CCDC3: variants seen among roughly 807,000 people sequenced by gnomAD.
The protein encoded by CCDC3 is coiled-coil domain-containing protein 3.
CCDC3 carries 24 observed loss-of-function variants against 21.4 expected under a neutral mutation model. That is an observed-to-expected ratio of 1.12 (90% CI 0.81 to 1.58). The LOEUF (loss-of-function observed/expected upper bound fraction) is 1.58. Among genes scored for constraint, CCDC3 ranks in the 40% most tolerant of loss-of-function variants. CCDC3 has a pLI of 0.00. For synonymous variants in CCDC3, 186 were observed against 166.0 expected (o/e 1.12, Z -0.93); for missense variants, 425 against 360.9 (o/e 1.18, Z -1.44).
At chr10:13,031,706 T>C (rs1163543252) in intron 5 of CCDC3, among the ~76,000 whole-genome samples, 5 of 152,104 alleles carry the variant, frequency 3.3e-5, no homozygotes, top group Non-Finnish European at 5.9e-5. Context: ...GAGAATACTA[T>C]AAACACCTCT....
chr10:12,907,872 C>A (rs148206927), intron 2 of CCDC3, among the ~76,000 whole-genome samples: 1 of 152,070 alleles, frequency 6.6e-6, no homozygotes, highest in Non-Finnish European at 1.5e-5. Context: ...AGGGGAGATG[C>A]TAGATGATGG....
intron 2 of CCDC3, among the ~76,000 whole-genome samples, chr10:12,981,440 C>A (rs1024710326): frequency 1.3e-5 from 2 of 152,102 alleles, no homozygotes; most frequent in African/African-American, 4.8e-5. Context: ...CCTGCCTCGG[C>A]CTCCCAAAGT....
chr10:12,961,191 G>A (rs957309598), intron 2 of CCDC3, among the ~76,000 whole-genome samples: 2 of 152,200 alleles, frequency 1.3e-5, no homozygotes, highest in African/African-American at 4.8e-5. Flanking sequence ...TCAGTGGCTT[G>A]AGCAAATGGC....
chr10:13,074,078 C>G (rs1013484085), exon 4 of CCDC3: 1 of 149,710 alleles, frequency 6.7e-6, no homozygotes, highest in East Asian at 2.0e-4. Flanking sequence ...ATGATAATCA[C>G]TTGAAATTCA....
intron 2 of CCDC3, among the ~76,000 whole-genome samples, chr10:12,918,592 C>T (rs559150607): frequency 2.6e-5 from 4 of 152,164 alleles, no homozygotes; most frequent in Non-Finnish European, 2.9e-5. Flanking sequence ...AAAATATGCA[C>T]AGATGTTGAT....
At chr10:13,098,607 A>G (rs569905946) in intron 2 of CCDC3, 1 of 151,592 alleles carries the variant, frequency 6.6e-6, no homozygotes, top group Admixed American at 6.6e-5. Context: ...TTCTGCCTGG[A>G]TTATCCCAGT....
At chr10:12,973,495 C>A (rs1466781101) in intron 2 of CCDC3, among the ~76,000 whole-genome samples, 2 of 152,186 alleles carry the variant, frequency 1.3e-5, no homozygotes, top group African/African-American at 2.4e-5. Context: ...TGGTCCTTGC[C>A]GGTCTGTTCA....
upstream of CCDC3, among the ~76,000 whole-genome samples, chr10:13,006,086 A>G (rs528197223): frequency 1.7e-3 from 255 of 152,246 alleles, 2 homozygotes; most frequent in African/African-American, 6.0e-3. Flanking sequence ...CATGAACATC[A>G]GATCCATTCA....
At chr10:13,077,457 G>T (rs1327412608) in intron 3 of CCDC3, among the ~76,000 whole-genome samples, 2 of 152,162 alleles carry the variant, frequency 1.3e-5, no homozygotes, top group Admixed American at 6.5e-5. Context: ...TAGATTCAAT[G>T]CCATCCCCAT....
intron 3 of CCDC3, among the ~76,000 whole-genome samples, chr10:13,079,881 T>C (rs1158435493): frequency 6.6e-6 from 1 of 151,628 alleles, no homozygotes; most frequent in African/African-American, 2.4e-5. Context: ...AAAGCAAAAA[T>C]CTTTTGGCAA....
chr10:12,945,123 A>C (rs1196136429), intron 2 of CCDC3, among the ~76,000 whole-genome samples: 1 of 152,212 alleles, frequency 6.6e-6, no homozygotes, highest in Non-Finnish European at 1.5e-5. Flanking sequence ...TCTATGAGGA[A>C]GCACATGCTT....
chr10:12,950,008 C>T (rs1834984222), intron 2 of CCDC3, among the ~76,000 whole-genome samples: 1 of 152,220 alleles, frequency 6.6e-6, no homozygotes, highest in South Asian at 2.1e-4. Flanking sequence ...GTTGGTGCCA[C>T]CTGTCACATC....
chr10:12,914,990 A>C (rs1834328703), intron 2 of CCDC3, among the ~76,000 whole-genome samples: 1 of 152,176 alleles, frequency 6.6e-6, no homozygotes, highest in African/African-American at 2.4e-5. Context: ...CTTCTCTCTT[A>C]GAACTGCTTT....
Position 12,896,761 on chromosome 10 carries a change from C to CTGCTT in CCDC3, c.*1650_*1654dup, listed in dbSNP as rs1053508281. On this transcript the variant is annotated 3_prime_UTR_variant, in exon 3 of 3. Coordinates refer to ENST00000378825, the MANE Select transcript of CCDC3 (RefSeq NM_031455.4). The stretch of plus-strand genomic sequence containing the variant: ...ACCATTCCCTTGCGGGGGCGCAAAA[C>CTGCTT]TGCTTTGAGGAAATGTCCCCAGGAG... 6.5e-6 allele frequency: 1 copy of CTGCTT among 152,758 alleles called. No homozygotes were observed. Among genetic ancestry groups the CTGCTT allele is most frequent in the African/African-American group, 2.4e-5 (1 of 41,456 alleles). The allele number at this position is 152,758 out of a possible 1,614,324, so 9.5% of individuals were successfully genotyped here. A position where few individuals can be genotyped will look rare whatever the true frequency, so the allele number is the denominator to read the frequency against.
intron 2 of CCDC3, among the ~76,000 whole-genome samples, chr10:12,907,064 T>C (rs1834184154): frequency 6.6e-6 from 1 of 152,196 alleles, no homozygotes; most frequent in Admixed American, 6.5e-5. Flanking sequence ...CCTGTCATCT[T>C]TTCCTGGTTC....
intron 1 of CCDC3, chr10:13,099,453 C>T (rs955136399): frequency 2.0e-5 from 3 of 149,508 alleles, no homozygotes; most frequent in Non-Finnish European, 4.4e-5. Context: ...CCTCCCATCC[C>T]TGCAGCGCTA....
At chr10:13,070,216 G>C (rs1384989776) in intron 4 of CCDC3, among the ~76,000 whole-genome samples, 1 of 152,190 alleles carries the variant, frequency 6.6e-6, no homozygotes, top group Non-Finnish European at 1.5e-5. Flanking sequence ...GTATACTCCT[G>C]TGAACAAAAT....
intron 2 of CCDC3, among the ~76,000 whole-genome samples, chr10:12,937,422 C>T (rs1757056): frequency 0.38 from 58,194 of 151,954 alleles, 11,447 homozygotes; most frequent in Admixed American, 0.47. Context: ...CACCAGAAGA[C>T]ATCAGATATC....
intron 2 of CCDC3, among the ~76,000 whole-genome samples, chr10:12,963,317 A>G (rs1316640201): frequency 6.6e-6 from 1 of 152,080 alleles, no homozygotes; most frequent in Non-Finnish European, 1.5e-5. Context: ...CTCTTCCTCT[A>G]TCTCTAAACA....
Sources: gnomAD v4.1 joint callset for allele counts (sites outside exome capture counted in the v4.1 genomes callset) on GRCh38, gnomAD v4.1.1 for gene constraint, MANE v1.5 for transcripts, NCBI Gene and HGNC (gene_info 2026-07-23, HGNC 2026-07-21) for gene names.